The following TTC27 variants were observed in gnomAD, a reference collection of about 807,000 sequenced individuals.
The protein encoded by TTC27 is tetratricopeptide repeat protein 27.
A neutral mutation model predicts 115.9 loss-of-function variants in TTC27; 79 were observed. That is an observed-to-expected ratio of 0.68 (90% CI 0.57 to 0.82). TTC27 has a LOEUF of 0.82. TTC27 is among the 40% of genes least tolerant of loss of function. The probability of loss-of-function intolerance (pLI) is 0.00; values close to 1 mark genes in which losing one functional copy is unlikely to be tolerated. For missense variants in TTC27, 1,054 were observed against 993.1 expected (o/e 1.06, Z -0.82); for synonymous variants, 401 against 356.0 (o/e 1.13, Z -1.42).
intron 12 of TTC27, among the ~76,000 whole-genome samples, chr2:32,754,750 C>T (rs1047379952): frequency 6.1e-5 from 9 of 148,710 alleles, no homozygotes; most frequent in East Asian, 4.2e-4. Context: ...ACCTCCCGGA[C>T]GGGGTGGCTG....
chr2:32,776,932 C>T (rs967231939), intron 13 of TTC27, among the ~76,000 whole-genome samples: 6 of 152,090 alleles, frequency 3.9e-5, no homozygotes, highest in African/African-American at 1.4e-4. Flanking sequence ...GTTTTATCTC[C>T]CTTTTGACAG....
intron 12 of TTC27, among the ~76,000 whole-genome samples, chr2:32,756,458 A>G (rs1442760514): frequency 1.3e-5 from 2 of 152,220 alleles, no homozygotes; most frequent in Non-Finnish European, 2.9e-5. Context: ...TGGGACTTAA[A>G]AGTATTTTTT....
At chr2:32,802,602 G>C (rs1453339681) in intron 16 of TTC27, among the ~76,000 whole-genome samples, 1 of 152,126 alleles carries the variant, frequency 6.6e-6, no homozygotes, top group Non-Finnish European at 1.5e-5. Context: ...GTGGACAGTT[G>C]CTGGTCCTCA....
intron 16 of TTC27, among the ~76,000 whole-genome samples, chr2:32,790,563 A>G (rs189607386): frequency 6.6e-6 from 1 of 152,286 alleles, no homozygotes; most frequent in Admixed American, 6.5e-5. Flanking sequence ...TTGTTTACCT[A>G]TCTTTTTATG....
chr2:32,790,715 C>G (rs1022248958), intron 16 of TTC27, among the ~76,000 whole-genome samples: 8 of 152,170 alleles, frequency 5.3e-5, no homozygotes, highest in African/African-American at 1.9e-4. Context: ...CATTTCCTCC[C>G]CACCCCACCT....
At chr2:32,791,184 AATGTC>A (rs1670522501) in intron 16 of TTC27, among the ~76,000 whole-genome samples, 1 of 152,226 alleles carries the variant, frequency 6.6e-6, no homozygotes, top group African/African-American at 2.4e-5. Context: ...TATTATAAAT[AATGTC>A]ATGAATATCC....
intron 18 of TTC27, among the ~76,000 whole-genome samples, chr2:32,816,515 C>G (rs577936160): frequency 1.3e-5 from 2 of 152,254 alleles, no homozygotes; most frequent in Non-Finnish European, 1.5e-5. Context: ...GTACAAAGCT[C>G]TTCACTCGTT....
intron 17 of TTC27, 107 bp from the exon 18 acceptor site, chr2:32,812,397 A>T (rs573678277): frequency 3.7e-6 from 3 of 800,662 alleles, no homozygotes; most frequent in East Asian, 2.6e-5. Context: ...TACAACACAG[A>T]TGCTGCTTTT....
chr2:32,663,696 T>G (rs1384599721), intron 5 of TTC27, among the ~76,000 whole-genome samples: 1 of 151,872 alleles, frequency 6.6e-6, no homozygotes, highest in East Asian at 1.9e-4. Context: ...ATTTATTTAT[T>G]TATTTGGAGA....
chr2:32,664,595 G>A (rs1665696018), intron 6 of TTC27, 128 bp downstream of exon 6: 3 of 765,346 alleles, frequency 3.9e-6, no homozygotes, highest in South Asian at 2.2e-5. Flanking sequence ...AGACTTTAAA[G>A]GTTTTATTTA....
At chr2:32,638,757 G>A (rs1664522573) in intron 3 of TTC27, among the ~76,000 whole-genome samples, 1 of 152,214 alleles carries the variant, frequency 6.6e-6, no homozygotes, top group Non-Finnish European at 1.5e-5. Context: ...AAAATACTCA[G>A]TATTGAGCCA....
intron 9 of TTC27, among the ~76,000 whole-genome samples, chr2:32,700,056 A>G (rs1667131683): frequency 6.6e-6 from 1 of 152,158 alleles, no homozygotes; most frequent in South Asian, 2.1e-4. Context: ...CAGAATGATC[A>G]GTGTGGTTGG....
In TTC27 at chr2:32,658,049, G is replaced by A. The variant is rs149267060; in HGVS notation, c.641-6254G>A. On this transcript the variant is annotated intron_variant, in intron 5 of 19. Coordinates refer to ENST00000317907, the MANE Select transcript of TTC27 (RefSeq NM_017735.5). The stretch of plus-strand genomic sequence containing the variant: ...TCACCATGTTGGCCAGACTGGTCTC[G>A]ATCTCCTGACCTCAGGTGATCCACC... 5.9e-5 allele frequency among the ~76,000 whole-genome samples: 9 copies of A among 152,270 alleles called. No homozygotes were observed. In the East Asian group the frequency reaches 1.7e-3, roughly 29 times the overall value.
chr2:32,723,149 C>A (rs1667980911), intron 10 of TTC27, among the ~76,000 whole-genome samples: 1 of 152,170 alleles, frequency 6.6e-6, no homozygotes, highest in Non-Finnish European at 1.5e-5. Flanking sequence ...AGCACACTTT[C>A]AAAGGCACTA....
At chr2:32,700,706 T>G (rs1667156330) in intron 9 of TTC27, among the ~76,000 whole-genome samples, 1 of 152,018 alleles carries the variant, frequency 6.6e-6, no homozygotes, top group Admixed American at 6.6e-5. Flanking sequence ...CCCGGCTAAT[T>G]TTTTTGTATT....
In TTC27 at chr2:32,635,666, A is replaced by C. The variant is rs138115763; in HGVS notation, c.396+1661A>C. Among the ~76,000 whole-genome samples the C allele has an allele frequency of 6.0e-3, 918 of 152,292 alleles. 8 individuals are homozygous for C. Among genetic ancestry groups the C allele is most frequent in the African/African-American group, 0.02 (843 of 41,564 alleles). ...GCCACTGCACTCCAGCCTGGGTGAC[A>C]GAGTGAGACTCCATTTCAAAAAAAG... On this transcript the variant is annotated intron_variant, in intron 3 of 19. Transcript: ENST00000317907.
chr2:32,702,189 CAA>C lies in TTC27; in HGVS notation c.1120-617_1120-616del, dbSNP rs552818447. Among the ~76,000 whole-genome samples the C allele has an allele frequency of 2.0e-5, 3 of 152,086 alleles. No individual in the cohort carries two copies. In the South Asian group the frequency reaches 6.2e-4, roughly 32 times the overall value. ...GTTTTCCAAACCTGACTTTTTGAAA[CAA>C]GAGAAGGACCAAGGGTGGCATCAAC... On this transcript the variant is annotated intron_variant, in intron 9 of 19. Transcript: ENST00000317907.
chr2:32,771,506 G>C (rs1219753517), intron 13 of TTC27, among the ~76,000 whole-genome samples: 1 of 152,176 alleles, frequency 6.6e-6, no homozygotes, highest in Non-Finnish European at 1.5e-5. Flanking sequence ...ATTAAGAGAA[G>C]GGCATTCAGT....
At chr2:32,710,644 G>C (rs1353435045) in intron 10 of TTC27, among the ~76,000 whole-genome samples, 2 of 151,528 alleles carry the variant, frequency 1.3e-5, no homozygotes, top group Non-Finnish European at 2.9e-5. Flanking sequence ...GGCCAGGCTG[G>C]TGTTGAACTC....
Sources: gnomAD v4.1 joint callset for allele counts (sites outside exome capture counted in the v4.1 genomes callset) on GRCh38, gnomAD v4.1.1 for gene constraint, MANE v1.5 for transcripts, NCBI Gene and HGNC (gene_info 2026-07-23, HGNC 2026-07-21) for gene names.